SLMAP: variants seen among roughly 807,000 people sequenced by gnomAD.
SLMAP encodes the protein sarcolemma associated protein, also known as sarcolemmal membrane-associated protein.
Under a neutral mutation model 128.8 loss-of-function variants are expected in SLMAP, and 44 were observed. The ratio of observed to expected loss-of-function variants is 0.34; its 90% CI spans 0.27 to 0.44. The LOEUF (loss-of-function observed/expected upper bound fraction) is 0.44. Among genes scored for constraint, SLMAP ranks in the 20% least tolerant of loss-of-function variants. The probability of loss-of-function intolerance (pLI) is 1.00; values close to 1 mark genes in which losing one functional copy is unlikely to be tolerated. For synonymous variants in SLMAP, 327 were observed against 348.8 expected (o/e 0.94, Z 0.70); for missense variants, 787 against 985.3 (o/e 0.80, Z 2.69).
intron 2 of SLMAP, among the ~76,000 whole-genome samples, chr3:57,815,496 G>A (rs1307359804): frequency 6.6e-6 from 1 of 151,840 alleles, no homozygotes; most frequent in African/African-American, 2.4e-5. Flanking sequence ...AAATATCATG[G>A]TTATTTATAA....
intron 15 of SLMAP, among the ~76,000 whole-genome samples, chr3:57,893,018 A>G (rs2153654507): frequency 6.6e-6 from 1 of 151,636 alleles, no homozygotes; most frequent in Middle Eastern, 3.4e-3. Context: ...TAGTTTTAGT[A>G]GAGATGGAGT....
intron 5 of SLMAP, 149 bp from the exon 6 acceptor site, chr3:57,849,605 A>T (rs2094432680): frequency 1.4e-5 from 7 of 496,714 alleles, no homozygotes; most frequent in Non-Finnish European, 2.5e-5. Flanking sequence ...AAAAAAATTT[A>T]AAAGGCTATA....
intron 14 of SLMAP, among the ~76,000 whole-genome samples, chr3:57,881,776 A>G (rs540494739): frequency 6.6e-6 from 1 of 152,262 alleles, no homozygotes; most frequent in South Asian, 2.1e-4. Context: ...TTCTTTATTT[A>G]CAGGCCTCTA....
At chr3:57,868,999 T>TTATATATAATATATATTATATGTGTATTA (rs1308468752) in intron 13 of SLMAP, among the ~76,000 whole-genome samples, 3 of 139,176 alleles carry the variant, frequency 2.2e-5, no homozygotes, top group East Asian at 2.0e-4. Context: ...TATATGTGTA[T>TTATATATAATATATATTATATGTGTATTA]TATATATAAT....
chr3:57,801,758 G>A (rs2088469133), intron 2 of SLMAP, among the ~76,000 whole-genome samples: 1 of 151,444 alleles, frequency 6.6e-6, no homozygotes, highest in African/African-American at 2.4e-5. Flanking sequence ...AGATCAAAGG[G>A]CACATTTTTA....
chr3:57,884,256 C>T (rs2095822561), intron 14 of SLMAP, among the ~76,000 whole-genome samples: 1 of 152,152 alleles, frequency 6.6e-6, no homozygotes, highest in South Asian at 2.1e-4. Context: ...TCCATGCAGA[C>T]AGACAAGTAT....
At chr3:57,760,916 A>G (rs1451866009) in intron 2 of SLMAP, among the ~76,000 whole-genome samples, 6 of 151,910 alleles carry the variant, frequency 3.9e-5, no homozygotes, top group African/African-American at 1.2e-4. Context: ...TAGTAGAGAC[A>G]GGGTTTCTCC....
rs1049379887 is a variant in SLMAP, at chr3:57,857,939, G to A, written c.615+111G>A. 88 of 946,310 alleles carry A rather than the reference G, an allele frequency of 9.3e-5. No individual in the cohort carries two copies. In the African/African-American group the frequency reaches 1.1e-3, roughly 11 times the overall value. The allele number at this position is 946,310 out of a possible 1,614,324, so 58.6% of individuals were successfully genotyped here. A position where few individuals can be genotyped will look rare whatever the true frequency, so the allele number is the denominator to read the frequency against. On this transcript the variant is annotated intron_variant, in intron 7 of 24. Transcript: ENST00000671191. Reference sequence around the variant, plus strand: ...AAGACAAAGTTATTTCCTAACTAATGAACAAGTTGTTGAAGATTTAGCATT... The same window carrying A: ...AAGACAAAGTTATTTCCTAACTAATAAACAAGTTGTTGAAGATTTAGCATT...
intron 3 of SLMAP, among the ~76,000 whole-genome samples, chr3:57,831,778 A>G (rs1439799819): frequency 2.0e-5 from 3 of 152,174 alleles, no homozygotes; most frequent in Non-Finnish European, 2.9e-5. Context: ...ATGACAGCAT[A>G]CCCCACCAAG....
At chr3:57,844,135 G>A (rs1245707623) in intron 4 of SLMAP, among the ~76,000 whole-genome samples, 1 of 151,312 alleles carries the variant, frequency 6.6e-6, no homozygotes, top group East Asian at 2.0e-4. Flanking sequence ...GCTCGTGCCT[G>A]TAATCCCAGC....
chr3:57,768,604 G>A (rs1430586737), intron 2 of SLMAP, among the ~76,000 whole-genome samples: 1 of 152,138 alleles, frequency 6.6e-6, no homozygotes, highest in Non-Finnish European at 1.5e-5. Flanking sequence ...GGGGCTGAGG[G>A]TAATTAGGAA....
chr3:57,871,710 G>A lies in SLMAP; in HGVS notation c.1300+12G>A. The A allele has an allele frequency of 1.3e-6, 2 of 1,597,140 alleles. No individual in the cohort carries two copies. Among genetic ancestry groups the A allele is most frequent in the Non-Finnish European group, 8.6e-7 (1 of 1,165,738 alleles). On this transcript the variant is annotated intron_variant, in intron 14 of 24. Coordinates refer to ENST00000671191, the MANE Select transcript of SLMAP (RefSeq NM_001377540.1). The stretch of plus-strand genomic sequence containing the variant: ...CATAGAATGCCAGAGTGAGTACAGA[G>A]TATTTTTCACATTGATTTTAATGAA...
intron 4 of SLMAP, among the ~76,000 whole-genome samples, chr3:57,844,889 A>G (rs980688482): frequency 1.3e-5 from 2 of 151,668 alleles, no homozygotes; most frequent in African/African-American, 2.4e-5. Context: ...TGGTTTTTGT[A>G]TTTTTAGTAG....
In SLMAP at chr3:57,890,057, A is replaced by G. The variant is rs189861519; in HGVS notation, c.1317A>G (p.Glu439=). 89 of 1,613,598 alleles carry G rather than the reference A, an allele frequency of 5.5e-5. No homozygotes were observed. The Admixed American group carries it at 1.5e-3, about 27-fold the overall frequency. The change falls in exon 15 of 25, where the codon GAA becomes GAG. Residue 439 remains glutamate, a synonymous_variant. Coordinates refer to ENST00000671191, the MANE Select transcript of SLMAP (RefSeq NM_001377540.1). ...FIECQKKLIV[E]GHLTKAVEET... The stretch of plus-strand genomic sequence containing the variant: ...CCTTGGCAGAGAAGCTGATCGTCGA[A>G]GGGCATCTAACCAAAGCGGTAGAAG...
intron 24 of SLMAP, among the ~76,000 whole-genome samples, chr3:57,926,845 T>A (rs2097018642): frequency 6.6e-6 from 1 of 152,252 alleles, no homozygotes; most frequent in African/African-American, 2.4e-5. Context: ...TAGACCATTA[T>A]CACCTTAGCC....
intron 2 of SLMAP, among the ~76,000 whole-genome samples, chr3:57,828,735 T>C (rs2093109971): frequency 6.6e-6 from 1 of 152,124 alleles, no homozygotes. Context: ...TGGACGGTAA[T>C]ATAGACATGT....
chr3:57,864,697 A>G lies in SLMAP; in HGVS notation c.1116A>G (p.Glu372=). ...AAGCTGATAATGATTTCACCAATGA[A>G]AGGCTAACAGCTTTACAAGGTAAGT... ...ALQADNDFTN[E]RLTALQVRLE... The change falls in exon 11 of 25, where the codon GAA becomes GAG. Residue 372 remains glutamate, a synonymous_variant. Coordinates refer to ENST00000671191, the MANE Select transcript of SLMAP (RefSeq NM_001377540.1). 2 of 1,594,606 alleles carry G rather than the reference A, an allele frequency of 1.3e-6. No homozygotes were observed. The highest frequency in any genetic ancestry group is 1.8e-4 in the Middle Eastern group (1 of 5,654).
intron 2 of SLMAP, among the ~76,000 whole-genome samples, chr3:57,781,840 C>T (rs1275001430): frequency 7.0e-6 from 1 of 142,790 alleles, no homozygotes; most frequent in Non-Finnish European, 1.5e-5. Flanking sequence ...TCAAGCAATT[C>T]TCCTTCCTCA....
At chr3:57,800,421 A>C (rs1417590156) in intron 2 of SLMAP, 1 of 152,224 alleles carries the variant, frequency 6.6e-6, no homozygotes, top group Admixed American at 6.5e-5. Flanking sequence ...TGGCCTCCCA[A>C]AATGCTGGGA....
Sources: allele counts gnomAD v4.1 joint callset (sites outside exome capture counted in the v4.1 genomes callset), GRCh38; gene constraint gnomAD v4.1.1; transcripts MANE v1.5; gene names NCBI Gene and HGNC (gene_info 2026-07-23, HGNC 2026-07-21).